The following PDCD11 variants were observed in gnomAD, a reference collection of about 807,000 sequenced individuals.
The protein encoded by PDCD11 is programmed cell death 11, also known as protein RRP5 homolog.
Under a neutral mutation model 198.9 loss-of-function variants are expected in PDCD11, and 97 were observed. That is an observed-to-expected ratio of 0.49 (90% confidence interval 0.41 to 0.58). The LOEUF is 0.58. Among genes scored for constraint, PDCD11 ranks in the 20% least tolerant of loss-of-function variants. The pLI, the probability that PDCD11 is intolerant of heterozygous loss-of-function variation, is 0.00. For synonymous variants in PDCD11, 893 were observed against 918.0 expected, an observed-to-expected ratio of 0.97 and a Z score of 0.49; for missense variants, 2,102 against 2,312.7, an observed-to-expected ratio of 0.91 and a Z score of 1.87.
chr10:103,400,251 A>C (rs2029932008), intron 2 of PDCD11, 146 bp from the exon 3 acceptor site: 1 of 225,020 alleles, frequency 4.4e-6, no homozygotes. Flanking sequence ...TTAAGCAAGA[A>C]TTAAAGGAAC....
intron 17 of PDCD11, among the ~76,000 whole-genome samples, 179 bp from the exon 18 acceptor site, chr10:103,422,809 T>A (rs555401841): frequency 1.1e-4 from 17 of 152,262 alleles, no homozygotes; most frequent in African/African-American, 3.9e-4. Context: ...GGGGCTTAGG[T>A]CTGTCTGCTT....
chr10:103,402,793 G>A (rs1357538248), intron 3 of PDCD11, among the ~76,000 whole-genome samples: 1 of 152,186 alleles, frequency 6.6e-6, no homozygotes, highest in Non-Finnish European at 1.5e-5. Flanking sequence ...CAAGGCTGGA[G>A]TGCAGTGGTG....
At position 103,423,549 on chromosome 10, in the gene PDCD11, A is replaced by T; in HGVS notation, c.2654A>T (p.Glu885Val). The change falls in exon 19 of 36, where the codon GAG (glutamate) becomes GTG (valine). Residue 885 changes from glutamate to valine, a missense_variant. By Grantham distance (121) the Glu-to-Val change is moderately radical. Transcript: ENST00000369797. ...KASRYHRAGQ[E>V]VESGQKKKVV... Reference sequence around the variant, plus strand: ...CTGTGGTTCTGCACTGCAGGGCAGGAGGTGGAATCTGGGCAGAAAAAGAAG... The same window carrying T: ...CTGTGGTTCTGCACTGCAGGGCAGGTGGTGGAATCTGGGCAGAAAAAGAAG... 6.2e-7 allele frequency: 1 copy of T among 1,611,412 alleles called. No homozygotes were observed. The highest frequency in any genetic ancestry group is 1.7e-4 in the Middle Eastern group (1 of 6,058).
intron 33 of PDCD11, 148 bp from the exon 34 acceptor site, chr10:103,443,767 C>T (rs564211836): frequency 2.8e-5 from 22 of 784,636 alleles, no homozygotes; most frequent in Middle Eastern, 2.6e-4. Flanking sequence ...GCCTCCCTCC[C>T]GCTCCTCTCA....
At chr10:103,399,419 AG>A (rs1168364717) in intron 2 of PDCD11, among the ~76,000 whole-genome samples, 1 of 152,082 alleles carries the variant, frequency 6.6e-6, no homozygotes, top group Non-Finnish European at 1.5e-5. Context: ...TCTGTTACTC[AG>A]GCTGGACTTA....
Position 103,415,064 on chromosome 10 carries a change from G to C in PDCD11, c.1431G>C (p.Arg477Ser), listed in dbSNP as rs372045446. 46 of 1,613,892 alleles carry C rather than the reference G, an allele frequency of 2.9e-5. No homozygotes were observed. The highest frequency in any genetic ancestry group is 3.6e-5 in the Non-Finnish European group (42 of 1,179,956). Reference protein sequence around the residue: ...GMLVKVGEQMRGLVPPMHLAD... With the variant: ...GMLVKVGEQMSGLVPPMHLAD... ...TGGTGAAGGTGGGCGAGCAGATGAG[G>C]GGCCTGGTACCTCCCATGCACCTGG... Residue 477 changes from arginine to serine, a missense_variant, in exon 12 of 36, where the codon AGG becomes AGC. Arg to Ser is a moderately radical substitution (Grantham distance 110). Coordinates refer to ENST00000369797, the MANE Select transcript of PDCD11 (RefSeq NM_014976.2).
intron 12 of PDCD11, among the ~76,000 whole-genome samples, chr10:103,415,583 G>C (rs2031061972): frequency 6.6e-6 from 1 of 152,222 alleles, no homozygotes. Context: ...TAACAATTAA[G>C]CACTATTATC....
chr10:103,405,177 T>C lies in PDCD11; in HGVS notation c.558T>C (p.Pro186=). ...NRVLSAEALK[P]GMLLTGTVSS... ...TGCTGAGTGCTGAGGCCCTGAAGCC[T>C]GGCATGGTAGGTGTCTAGGGTCGGG... The change falls in exon 5 of 36, where the codon CCT becomes CCC. Residue 186 remains proline (P), a synonymous_variant. Transcript: ENST00000369797. 1 of 1,613,288 alleles carries C rather than the reference T, an allele frequency of 6.2e-7. No individual in the cohort carries two copies. Among genetic ancestry groups the C allele is most frequent in the South Asian group, 1.1e-5 (1 of 91,030 alleles).
At position 103,414,567 on chromosome 10, in the gene PDCD11, A is replaced by T. The variant is rs185525594; in HGVS notation, c.1371+237A>T. Among the ~76,000 whole-genome samples the T allele has an allele frequency of 1.1e-4, 16 of 152,246 alleles. No homozygotes were observed. In the East Asian group the frequency reaches 2.5e-3, roughly 24 times the overall value. On this transcript the variant is annotated intron_variant, in intron 11 of 35. Transcript: ENST00000369797. ...AAGGCAGTAGATCATAAATCCTGAG[A>T]TTTGGGATTTGATGGTGGTTAGTAG...
chr10:103,405,685 T>C (rs114200441), intron 5 of PDCD11, among the ~76,000 whole-genome samples: 157 of 152,336 alleles, frequency 1.0e-3, no homozygotes, highest in African/African-American at 3.5e-3. Context: ...CATGAGCCAC[T>C]GTGCCCTGCC....
In PDCD11 at chr10:103,434,869, ACC is replaced by A. The variant is rs2032085217; in HGVS notation, c.3740_3741del (p.Thr1247SerfsTer18). 1 of 1,612,980 alleles carries A rather than the reference ACC, an allele frequency of 6.2e-7. No homozygotes were observed. Among genetic ancestry groups the A allele is most frequent in the Non-Finnish European group, 8.5e-7 (1 of 1,179,570 alleles). ...VVKVTPNEGL[T>X]VSFPFGKIGT... The stretch of plus-strand genomic sequence containing the variant: ...GAAGGTGACTCCCAACGAGGGGCTG[ACC>A]GTCTCCTTCCCCTTTGGGAAGATAG... On this transcript the variant is annotated frameshift_variant, in exon 25 of 36. Transcript: ENST00000369797. LOFTEE classifies it high-confidence loss of function.
At chr10:103,422,634 C>T (rs1277319952) in intron 17 of PDCD11, among the ~76,000 whole-genome samples, 3 of 152,116 alleles carry the variant, frequency 2.0e-5, no homozygotes, top group Middle Eastern at 3.4e-3. Flanking sequence ...TATTCTGACC[C>T]TCTTAGACTT....
chr10:103,429,621 A>AAAAATTACTGTAATTTTT (rs1174714484), intron 21 of PDCD11, among the ~76,000 whole-genome samples: 1 of 152,044 alleles, frequency 6.6e-6, no homozygotes, highest in Non-Finnish European at 1.5e-5. Flanking sequence ...TTTTACAGTA[A>AAAAATTACTGTAATTTTT]AAAATTACTG....
Position 103,403,325 on chromosome 10 carries a change from T to C in PDCD11, c.402+40T>C, listed in dbSNP as rs766547535. ...AATGAAGCCTGTTATTGAAAATAAG[T>C]GGAACACAAATAGATTTAAAATTAC... On this transcript the variant is annotated intron_variant, in intron 4 of 35. Transcript: ENST00000369797. 5.1e-6 allele frequency: 8 copies of C among 1,572,656 alleles called. No individual in the cohort carries two copies. The South Asian group carries it at 9.0e-5, about 18-fold the overall frequency.
chr10:103,422,687 TAGC>T (rs2031507241), intron 17 of PDCD11, among the ~76,000 whole-genome samples: 1 of 152,114 alleles, frequency 6.6e-6, no homozygotes, highest in South Asian at 2.1e-4. Context: ...TGGAATTTCA[TAGC>T]AGGAGGCTTG....
chr10:103,407,880 G>T (rs1364923929), intron 7 of PDCD11, among the ~76,000 whole-genome samples: 2 of 151,818 alleles, frequency 1.3e-5, no homozygotes, highest in Non-Finnish European at 2.9e-5. Context: ...CACCACACCC[G>T]GCTGGTTTTT....
intron 7 of PDCD11, among the ~76,000 whole-genome samples, chr10:103,407,986 C>T (rs1299608715): frequency 1.3e-5 from 2 of 152,018 alleles, no homozygotes; most frequent in South Asian, 2.1e-4. Context: ...TCCAAAATGC[C>T]GTGATTACAG....
rs2032048840 is a variant in PDCD11 at position 103,434,108 on chromosome 10, G to T, written c.3564+71G>T. 44 of 1,327,120 alleles carry T rather than the reference G, an allele frequency of 3.3e-5. No individual in the cohort carries two copies. The South Asian group carries it at 5.1e-4, about 15-fold the overall frequency. 82.2% of individuals were successfully genotyped at this position (1,327,120 alleles called of 1,614,324 possible). On this transcript the variant is annotated intron_variant, in intron 23 of 35. Coordinates refer to ENST00000369797, the MANE Select transcript of PDCD11 (RefSeq NM_014976.2). ...GCTTGGCCCAGTGCCTGGTGTGTGG[G>T]TTTACAGTGGATTTGAGGAAGCTTG...
chr10:103,420,219 T>C (rs2031348286), intron 16 of PDCD11, among the ~76,000 whole-genome samples: 1 of 152,100 alleles, frequency 6.6e-6, no homozygotes, highest in African/African-American at 2.4e-5. Context: ...CGCCCAGCTG[T>C]GTGACCATCT....
Sources: gnomAD v4.1 joint callset for allele counts (sites outside exome capture counted in the v4.1 genomes callset) on GRCh38, gnomAD v4.1.1 for gene constraint, MANE v1.5 for transcripts, NCBI Gene and HGNC (gene_info 2026-07-23, HGNC 2026-07-21) for gene names.